YWHAZ: variants seen among roughly 807,000 people sequenced by gnomAD.
The protein encoded by YWHAZ is tyrosine 3-monooxygenase/tryptophan 5-monooxygenase activation protein zeta.
For synonymous variants in YWHAZ, 87 were observed against 103.6 expected (o/e 0.84, Z 0.97); for missense variants, 79 against 284.8 (o/e 0.28, Z 5.20).
At position 100,933,972 on chromosome 8, in the gene YWHAZ, C is replaced by CAT. The variant is rs147381936; in HGVS notation, c.295-8935_295-8934dup. Among the ~76,000 whole-genome samples, 247 of 151,740 alleles carry CAT rather than the reference C, an allele frequency of 1.6e-3. 5 individuals are homozygous for CAT. In the East Asian group the frequency reaches 0.043, roughly 26 times the overall value. On this transcript the variant is annotated intron_variant, in intron 2 of 5. Coordinates refer to ENST00000395958, the MANE Select transcript of YWHAZ (RefSeq NM_145690.3). Reference sequence around the variant, plus strand: ...AGGAGTTCAAAACCAGCTTGGCCATCATGTTGAAACCCCATCTCTACTAAA... The same window carrying CAT: ...AGGAGTTCAAAACCAGCTTGGCCATCATATGTTGAAACCCCATCTCTACTAAA...
Position 100,951,298 on chromosome 8 carries a change from G to T in YWHAZ, c.-12+631C>A, listed in dbSNP as rs1051203531. 4.1e-6 allele frequency: 4 copies of T among 984,522 alleles called. No individual in the cohort carries two copies. In the African/African-American group the frequency reaches 7.0e-5, roughly 17 times the overall value. The allele number at this position is 984,522 out of a possible 1,614,324, so 61.0% of individuals were successfully genotyped here. ...GCTCTCGGCCAGGCCTTTCCCTCGCGCTTGGGTCCCCGAGGCCCCCGGCCC... is the reference window on the plus strand; with the variant it reads ...GCTCTCGGCCAGGCCTTTCCCTCGCTCTTGGGTCCCCGAGGCCCCCGGCCC... On this transcript the variant is annotated intron_variant, in intron 1 of 5. Transcript: ENST00000395958.
intron 2 of YWHAZ, among the ~76,000 whole-genome samples, chr8:100,933,572 T>C (rs1455722946): frequency 6.6e-6 from 1 of 152,222 alleles, no homozygotes; most frequent in Admixed American, 6.5e-5. Context: ...TACCTCTCCA[T>C]ACCTAGCTCT....
rs1813132304 is a variant in YWHAZ, at chr8:100,922,967, G to C, written c.678+988C>G. On this transcript the variant is annotated intron_variant, in intron 5 of 5. Transcript: ENST00000395958. The surrounding 1 kb of genome is among the most constrained non-coding windows in gnomAD (Gnocchi z 4.1). ...GACTCAAGTATCAGAAAAGTTTATA[G>C]ATAGCTCCAAATTGTGCTAATAAAG... The C allele has an allele frequency of 6.6e-6, 1 of 152,160 alleles. No homozygotes were observed. Among genetic ancestry groups the C allele is most frequent in the Non-Finnish European group, 1.5e-5 (1 of 68,040 alleles). The allele number at this position is 152,160 out of a possible 1,614,324, so 9.4% of individuals were successfully genotyped here.
chr8:100,944,460 G>T (rs1810117751), intron 2 of YWHAZ, among the ~76,000 whole-genome samples: 1 of 152,142 alleles, frequency 6.6e-6, no homozygotes, highest in South Asian at 2.1e-4. Flanking sequence ...CTCAACTGCA[G>T]TTGCCAACTG....
intron 2 of YWHAZ, among the ~76,000 whole-genome samples, chr8:100,934,157 C>CTAA (rs1421774273): frequency 1.3e-5 from 1 of 78,204 alleles, no homozygotes; most frequent in Non-Finnish European, 2.4e-5. Flanking sequence ...AGACTCGTCT[C>CTAA]AAAAAAAAAA....
intron 5 of YWHAZ, 157 bp downstream of exon 5, chr8:100,923,798 T>C: frequency 1.9e-6 from 1 of 524,732 alleles, no homozygotes. Flanking sequence ...TTTTCCTTCA[T>C]AGGACTTTAA....
intron 1 of YWHAZ, chr8:100,951,536 T>C (rs558805020): frequency 1.1e-3 from 1,068 of 982,420 alleles, no homozygotes; most frequent in Non-Finnish European, 1.2e-3. Context: ...AGGGAGGGGG[T>C]GGAAGCCCGC....
Position 100,950,452 on chromosome 8 carries a change from G to A in YWHAZ, c.-12+1477C>T, listed in dbSNP as rs371409034. On this transcript the variant is annotated intron_variant, in intron 1 of 5. Coordinates refer to ENST00000395958, the MANE Select transcript of YWHAZ (RefSeq NM_145690.3). ...TGTGAAACGAAAACGGGCAGACCCG[G>A]ACTTTAAAGTGCAAATTCTCCGGTC... 36 of 985,464 alleles carry A rather than the reference G, an allele frequency of 3.7e-5. No homozygotes were observed. The East Asian group carries it at 1.5e-3, about 40-fold the overall frequency. The allele number at this position is 985,464 out of a possible 1,614,324, so 61.0% of individuals were successfully genotyped here.
intron 2 of YWHAZ, chr8:100,934,747 T>C (rs1434977251): frequency 1.3e-5 from 2 of 152,196 alleles, no homozygotes; most frequent in African/African-American, 4.8e-5. Flanking sequence ...TCAAAGTGTG[T>C]AGTTTTGTAC....
chr8:100,951,418 A>T, intron 1 of YWHAZ: 1 of 979,128 alleles, frequency 1.0e-6, no homozygotes, highest in African/African-American at 1.8e-5. Flanking sequence ...GAGGGAAAGG[A>T]GGGGGCGGCC....
At chr8:100,928,279 C>A (rs913531581) in intron 2 of YWHAZ, among the ~76,000 whole-genome samples, 1 of 146,224 alleles carries the variant, frequency 6.8e-6, no homozygotes. Context: ...GACTCCGTCT[C>A]AAAAAAAAAG....
At chr8:100,950,749 C>T (rs904089585) in intron 1 of YWHAZ, among the ~76,000 whole-genome samples, 14 of 152,082 alleles carry the variant, frequency 9.2e-5, no homozygotes, top group Non-Finnish European at 1.9e-4. Flanking sequence ...ACCAGCCCCG[C>T]CGCGGACACA....
chr8:100,951,681 G>A, intron 1 of YWHAZ: 3 of 985,384 alleles, frequency 3.0e-6, no homozygotes, highest in Non-Finnish European at 3.6e-6. Context: ...GCAGGACGGG[G>A]GAGCGAGCAC....
intron 2 of YWHAZ, among the ~76,000 whole-genome samples, chr8:100,928,757 C>T (rs1363335640): frequency 1.3e-5 from 2 of 150,576 alleles, no homozygotes; most frequent in Non-Finnish European, 3.0e-5. Flanking sequence ...AAAAAAGGAA[C>T]ATATTCTCAG....
rs544138961 is a variant in YWHAZ at position 100,947,266 on chromosome 8, A to C, written c.294+1330T>G. Among the ~76,000 whole-genome samples the C allele has an allele frequency of 9.3e-3, 1,411 of 152,010 alleles. 22 individuals carry two copies. The highest frequency in any genetic ancestry group is 0.031 in the African/African-American group (1,290 of 41,432). ...AAGACTCCGTCTCAAAAAAAAAAAAAAACAAAAAACAAAATTTAAATATTC... is the reference window on the plus strand; with the variant it reads ...AAGACTCCGTCTCAAAAAAAAAAAACAACAAAAAACAAAATTTAAATATTC... On this transcript the variant is annotated intron_variant, in intron 2 of 5. Coordinates refer to ENST00000395958, the MANE Select transcript of YWHAZ (RefSeq NM_145690.3).
At chr8:100,952,995 TGGGTGGGCGCCG>T (rs1270569413), upstream of YWHAZ, 1 of 997,154 alleles carries the variant, frequency 1.0e-6, no homozygotes, top group South Asian at 4.7e-5. Flanking sequence ...GAGGGGACAA[TGGGTGGGCGCCG>T]AGGTGGGGGC....
At chr8:100,940,062 CAAAA>C (rs33984830) in intron 2 of YWHAZ, among the ~76,000 whole-genome samples, 1 of 99,020 alleles carries the variant, frequency 1.0e-5, no homozygotes, top group East Asian at 2.9e-4. Flanking sequence ...GACTCCGTCT[CAAAA>C]AAAAAAAAAA....
At position 100,924,808 on chromosome 8, in the gene YWHAZ, A is replaced by C; in HGVS notation, c.418+108T>G. ...AACACAAAGAGCACTGCTACTCCTT[A>C]TTCGGCACTCTAAGCAATTCAAAAC... On this transcript the variant is annotated intron_variant, in intron 3 of 5. Transcript: ENST00000395958. The surrounding 1 kb of genome is among the most constrained non-coding windows in gnomAD (Gnocchi z 5.7). 3 of 1,417,254 alleles carry C rather than the reference A, an allele frequency of 2.1e-6. No homozygotes were observed. The highest frequency in any genetic ancestry group is 2.9e-6 in the Non-Finnish European group (3 of 1,036,306). The allele number at this position is 1,417,254 out of a possible 1,614,324, so 87.8% of individuals were successfully genotyped here.
At chr8:100,950,500 C>G in intron 1 of YWHAZ, 1 of 985,598 alleles carries the variant, frequency 1.0e-6, no homozygotes. Flanking sequence ...CCACCCCCCT[C>G]CAGGCTCCGC....
Sources: gnomAD v4.1 joint callset for allele counts (sites outside exome capture counted in the v4.1 genomes callset) on GRCh38, gnomAD v4.1.1 for gene constraint, Gnocchi (gnomAD v3.1) non-coding constraint, MANE v1.5 for transcripts, NCBI Gene and HGNC (gene_info 2026-07-23, HGNC 2026-07-21) for gene names.